The following RPH3A variants were observed in gnomAD, a reference collection of about 807,000 sequenced individuals.
RPH3A encodes the protein rabphilin 3A.
Under a neutral mutation model 102.2 loss-of-function variants are expected in RPH3A, and 48 were observed. The observed-to-expected ratio is 0.47, with a 90% CI of 0.37 to 0.60. The LOEUF is 0.60. Ranked by LOEUF, RPH3A falls within the 20% of genes least tolerant of loss-of-function variation. The probability of loss-of-function intolerance (pLI) is 0.00; values close to 1 mark genes in which losing one functional copy is unlikely to be tolerated. For synonymous variants in RPH3A, 310 were observed against 324.3 expected, an observed-to-expected ratio of 0.96 and a Z score of 0.47; for missense variants, 781 against 910.1, an observed-to-expected ratio of 0.86 and a Z score of 1.83.
In RPH3A at chr12:112,648,570, CAAAAAAAAAAAA is replaced by C. The variant is rs1167121829; in HGVS notation, c.-140+73268_-140+73279del. On this transcript the variant is annotated intron_variant, in intron 1 of 21. Transcript: ENST00000543106. ...GCAACAGAGTGAAACCCCATCTCTA[CAAAAAAAAAAAA>C]AAAAAAAAAAAAAAAAGCTAGGTGT... is the stretch of plus-strand genomic sequence containing the variant. Among the ~76,000 whole-genome samples, 8 of 11,042 alleles carry C rather than the reference CAAAAAAAAAAAA, an allele frequency of 7.2e-4. 1 individual carries two copies. The highest frequency in any genetic ancestry group is 3.4e-3 in the Admixed American group (2 of 582). 7.2% of individuals were successfully genotyped at this position (11,042 alleles called of 152,430 possible).
At chr12:112,808,747 A>G (rs2041515784) in intron 2 of RPH3A, among the ~76,000 whole-genome samples, 1 of 152,170 alleles carries the variant, frequency 6.6e-6, no homozygotes, top group Non-Finnish European at 1.5e-5. Context: ...AGAAATGCAA[A>G]TTCTTGGGCT....
intron 1 of RPH3A, among the ~76,000 whole-genome samples, chr12:112,604,961 G>A (rs150758130): frequency 1.1e-3 from 174 of 152,312 alleles, no homozygotes; most frequent in Non-Finnish European, 2.0e-3. Context: ...CTGAAGTTGT[G>A]TATTGTTAAT....
intron 16 of RPH3A, among the ~76,000 whole-genome samples, chr12:112,886,450 G>C (rs971179515): frequency 5.3e-5 from 8 of 151,888 alleles, no homozygotes; most frequent in African/African-American, 1.9e-4. Context: ...CACATGTGCA[G>C]TTCACAATAG....
At chr12:112,655,233 G>A (rs1346958102) in intron 1 of RPH3A, among the ~76,000 whole-genome samples, 2 of 152,234 alleles carry the variant, frequency 1.3e-5, no homozygotes, top group African/African-American at 2.4e-5. Context: ...TTCCAGAATA[G>A]GGAAGATTTG....
At chr12:112,877,437 C>CAA (rs1183236760) in intron 13 of RPH3A, among the ~76,000 whole-genome samples, 1 of 151,826 alleles carries the variant, frequency 6.6e-6, no homozygotes, top group African/African-American at 2.4e-5. Context: ...CACACACACA[C>CAA]ACACACACAC....
chr12:112,721,114 T>C (rs144138817), intron 1 of RPH3A, among the ~76,000 whole-genome samples: 1 of 152,330 alleles, frequency 6.6e-6, no homozygotes, highest in African/African-American at 2.4e-5. Context: ...AAATGATGCA[T>C]GTAAGCTACC....
At chr12:112,825,536 C>T (rs562344774) in intron 2 of RPH3A, among the ~76,000 whole-genome samples, 2 of 152,072 alleles carry the variant, frequency 1.3e-5, no homozygotes, top group Non-Finnish European at 1.5e-5. Flanking sequence ...TCTCTCCCCC[C>T]CTTACTCTTG....
At chr12:112,696,114 A>T (rs931723243) in intron 1 of RPH3A, among the ~76,000 whole-genome samples, 1 of 152,192 alleles carries the variant, frequency 6.6e-6, no homozygotes, top group Non-Finnish European at 1.5e-5. Context: ...GAGTTATTTC[A>T]CTTAGAATAG....
chr12:112,809,536 A>C (rs145032137), intron 2 of RPH3A, among the ~76,000 whole-genome samples: 96 of 152,300 alleles, frequency 6.3e-4, no homozygotes, highest in African/African-American at 2.3e-3. Flanking sequence ...TCACGCTAGC[A>C]TATTATTATT....
chr12:112,598,752 G>A (rs1451552661), intron 1 of RPH3A, among the ~76,000 whole-genome samples: 1 of 152,206 alleles, frequency 6.6e-6, no homozygotes, highest in Admixed American at 6.5e-5. Flanking sequence ...AGCAGCAGCA[G>A]CAGCAACTAC....
At chr12:112,617,210 C>T (rs1480283134) in intron 1 of RPH3A, among the ~76,000 whole-genome samples, 1 of 152,180 alleles carries the variant, frequency 6.6e-6, no homozygotes, top group Non-Finnish European at 1.5e-5. Context: ...TAAAGAATAA[C>T]ACCGGAGACT....
chr12:112,822,291 G>C (rs1219945303), intron 2 of RPH3A, among the ~76,000 whole-genome samples: 1 of 152,230 alleles, frequency 6.6e-6, no homozygotes, highest in Non-Finnish European at 1.5e-5. Flanking sequence ...CTGTGGCATT[G>C]AACTCCACGC....
At chr12:112,614,444 G>C (rs2039661960) in intron 1 of RPH3A, among the ~76,000 whole-genome samples, 1 of 151,770 alleles carries the variant, frequency 6.6e-6, no homozygotes, top group African/African-American at 2.4e-5. Context: ...AGCACCTTGG[G>C]AGGCTGAGGC....
At chr12:112,757,793 G>T (rs1411325810) in intron 1 of RPH3A, among the ~76,000 whole-genome samples, 1 of 152,134 alleles carries the variant, frequency 6.6e-6, no homozygotes, top group Non-Finnish European at 1.5e-5. Flanking sequence ...TGAGCAGGTG[G>T]CAGGTTAACA....
intron 1 of RPH3A, among the ~76,000 whole-genome samples, chr12:112,576,168 C>G (rs953112365): frequency 6.6e-6 from 1 of 152,228 alleles, no homozygotes; most frequent in Non-Finnish European, 1.5e-5. Flanking sequence ...CCCAAGATCA[C>G]ATGAGTAGCA....
chr12:112,748,259 C>T (rs148586234), intron 1 of RPH3A, among the ~76,000 whole-genome samples: 30 of 152,280 alleles, frequency 2.0e-4, no homozygotes, highest in African/African-American at 5.1e-4. Flanking sequence ...AGTTCCCAGA[C>T]GTGTATGGCT....
intron 4 of RPH3A, among the ~76,000 whole-genome samples, chr12:112,841,701 TTTTTGG>T (rs1317488825): frequency 4.3e-5 from 5 of 116,458 alleles, no homozygotes; most frequent in African/African-American, 1.8e-4. Flanking sequence ...TTTTTTTGTT[TTTTTGG>T]TTTTTTTTTT....
intron 1 of RPH3A, among the ~76,000 whole-genome samples, chr12:112,593,788 T>G (rs1362935648): frequency 6.6e-6 from 1 of 152,020 alleles, no homozygotes. Flanking sequence ...TATCTAAGAG[T>G]GGTTCTGCTA....
chr12:112,810,533 G>A (rs2041553045), intron 2 of RPH3A, among the ~76,000 whole-genome samples: 1 of 152,184 alleles, frequency 6.6e-6, no homozygotes, highest in Non-Finnish European at 1.5e-5. Flanking sequence ...AATCCAATGT[G>A]TTCACTCTTG....
Sources: allele counts gnomAD v4.1 joint callset (sites outside exome capture counted in the v4.1 genomes callset), GRCh38; gene constraint gnomAD v4.1.1; transcripts MANE v1.5; gene names NCBI Gene and HGNC (gene_info 2026-07-23, HGNC 2026-07-21).